OSBPL3: variants seen among roughly 807,000 people sequenced by gnomAD.
OSBPL3 encodes the protein oxysterol binding protein like 3, also known as oxysterol-binding protein-related protein 3.
In OSBPL3, 65 loss-of-function variants were observed where a neutral mutation model predicts 120.1. That is an observed-to-expected ratio of 0.54 (90% CI 0.44 to 0.67). The LOEUF is 0.67. Among genes scored for constraint, OSBPL3 ranks in the 30% least tolerant of loss-of-function variants. OSBPL3 has a pLI of 0.00. For missense variants in OSBPL3, 1,004 were observed against 1,082.1 expected, an observed-to-expected ratio of 0.93 and a Z score of 1.01; for synonymous variants, 416 against 402.6, an observed-to-expected ratio of 1.03 and a Z score of -0.40.
At chr7:24,807,517 T>TAATAATAAC (rs139700441) in intron 20 of OSBPL3, among the ~76,000 whole-genome samples, 23,870 of 150,820 alleles carry the variant, frequency 0.16, 2,459 homozygotes, top group Non-Finnish European at 0.22. Context: ...ATAATAATAA[T>TAATAATAAC]AACAACAATA....
chr7:24,855,824 C>T lies in OSBPL3; in HGVS notation c.1028-3190G>A, dbSNP rs541091932. ...AAAAAATAGAAGATTCAAATGAGTGCATCACATCTATGGTTACCTGACAAT... is the reference window on the plus strand; with the variant it reads ...AAAAAATAGAAGATTCAAATGAGTGTATCACATCTATGGTTACCTGACAAT... On this transcript the variant is annotated intron_variant, in intron 10 of 22. Coordinates refer to ENST00000313367, the MANE Select transcript of OSBPL3 (RefSeq NM_015550.4). The surrounding 1 kb of genome is among the most constrained non-coding windows in gnomAD (Gnocchi z 4.3). Among the ~76,000 whole-genome samples, 2 of 152,190 alleles carry T rather than the reference C, an allele frequency of 1.3e-5. No individual in the cohort carries two copies. Among genetic ancestry groups the T allele is most frequent in the Non-Finnish European group, 2.9e-5 (2 of 68,028 alleles).
rs1796915579 is a variant in OSBPL3 at position 24,835,715 on chromosome 7, A to G, written c.1496-979T>C. Among the ~76,000 whole-genome samples the G allele has an allele frequency of 1.3e-5, 2 of 152,236 alleles. No homozygotes were observed. The highest frequency in any genetic ancestry group is 2.9e-5 in the Non-Finnish European group (2 of 68,046). On this transcript the variant is annotated intron_variant, in intron 14 of 22. Coordinates refer to ENST00000313367, the MANE Select transcript of OSBPL3 (RefSeq NM_015550.4). This position sits in a 1 kb window ranked among gnomAD's most constrained non-coding sequence, Gnocchi z 4.8. Reference sequence around the variant, plus strand: ...AAAGAAAATGTGGTACATATACACCATGGAATACTGTGCAGCCATAAAAAA... The same window carrying G: ...AAAGAAAATGTGGTACATATACACCGTGGAATACTGTGCAGCCATAAAAAA...
At chr7:24,904,192 T>C (rs1366249755) in intron 1 of OSBPL3, among the ~76,000 whole-genome samples, 1 of 152,132 alleles carries the variant, frequency 6.6e-6, no homozygotes. Flanking sequence ...CACTGGATGT[T>C]TTCTTAACAG....
chr7:24,970,097 TC>T, intron 1 of OSBPL3, among the ~76,000 whole-genome samples: 2 of 143,218 alleles, frequency 1.4e-5, no homozygotes, highest in Non-Finnish European at 1.5e-5. Flanking sequence ...TTTCCCTTCG[TC>T]CCTTTCTTTT....
intron 2 of OSBPL3, among the ~76,000 whole-genome samples, chr7:24,882,193 T>C (rs895092571): frequency 2.6e-5 from 4 of 152,158 alleles, no homozygotes; most frequent in Admixed American, 2.6e-4. Context: ...AGTCAGGGCT[T>C]TCAGGGTATC....
chr7:24,853,794 T>C (rs1799474147), intron 10 of OSBPL3, among the ~76,000 whole-genome samples: 1 of 152,122 alleles, frequency 6.6e-6, no homozygotes, highest in African/African-American at 2.4e-5. Context: ...ATGTGGCAAA[T>C]ATTTAAAACG....
rs369973698 is a variant in OSBPL3, at chr7:24,850,403, A to G, written c.1159-1227T>C. On this transcript the variant is annotated intron_variant, in intron 11 of 22. Transcript: ENST00000313367. The stretch of plus-strand genomic sequence containing the variant: ...CACGATCAGCTCCACGGGTGCTCGC[A>G]TGCAGATTCAGCCTATATGTCTGTC... 2.9e-4 allele frequency among the ~76,000 whole-genome samples: 44 copies of G among 152,314 alleles called. 5 individuals carry two copies. Among genetic ancestry groups the G allele is most frequent in the Admixed American group, 1.7e-3 (26 of 15,304 alleles).
rs190197667 is a variant in OSBPL3 at position 24,817,306 on chromosome 7, C to G, written c.1949-618G>C. Among the ~76,000 whole-genome samples the G allele has an allele frequency of 2.2e-3, 336 of 152,232 alleles. 1 individual carries two copies. Among genetic ancestry groups the G allele is most frequent in the African/African-American group, 7.8e-3 (324 of 41,528 alleles). On this transcript the variant is annotated intron_variant, in intron 17 of 22. Transcript: ENST00000313367. The surrounding 1 kb of genome is among the most constrained non-coding windows in gnomAD (Gnocchi z 4.0). ...CAGAGGTGGGTGGATCATTTGAGAT[C>G]AGGAGTTCGAGACCAGCACAGCCAA... is the stretch of plus-strand genomic sequence containing the variant.
rs1449779211 is a variant in OSBPL3, at chr7:24,818,260, A to G, written c.1949-1572T>C. Among the ~76,000 whole-genome samples the G allele has an allele frequency of 2.0e-5, 3 of 152,228 alleles. No homozygotes were observed. The highest frequency in any genetic ancestry group is 2.0e-4 in the Admixed American group (3 of 15,280). ...AACTGCACAGTTTATTAAATTCACA[A>G]TTCTGTGAATAAAAACCATTGAATT... On this transcript the variant is annotated intron_variant, in intron 17 of 22. Coordinates refer to ENST00000313367, the MANE Select transcript of OSBPL3 (RefSeq NM_015550.4). The surrounding 1 kb of genome is among the most constrained non-coding windows in gnomAD (Gnocchi z 4.0).
chr7:24,924,876 G>T (rs2128456201), intron 1 of OSBPL3, among the ~76,000 whole-genome samples: 1 of 152,190 alleles, frequency 6.6e-6, no homozygotes, highest in South Asian at 2.1e-4. Context: ...CGGCTCAGGT[G>T]GTCTGCTTGT....
chr7:24,859,074 C>G (rs4722394), intron 10 of OSBPL3, among the ~76,000 whole-genome samples: 151,643 of 152,334 alleles, frequency 1, 75,483 homozygotes, highest in Middle Eastern at 1. Flanking sequence ...ACAAAACACT[C>G]ATAACAGTCT....
intron 1 of OSBPL3, among the ~76,000 whole-genome samples, chr7:24,917,292 G>A (rs1400356173): frequency 4.6e-5 from 7 of 150,720 alleles, no homozygotes; most frequent in Non-Finnish European, 1.0e-4. Context: ...ACTATATCAA[G>A]GATTATCAGG....
chr7:24,844,547 T>C lies in OSBPL3; in HGVS notation c.1267-2134A>G, dbSNP rs1198173809. 7.2e-5 allele frequency among the ~76,000 whole-genome samples: 11 copies of C among 152,288 alleles called. No homozygotes were observed. The East Asian group carries it at 2.1e-3, about 29-fold the overall frequency. Reference sequence around the variant, plus strand: ...AAAGGAACATTCATAGCTCACACTATAACAACCACTACAAGCATTCTGACA... The same window carrying C: ...AAAGGAACATTCATAGCTCACACTACAACAACCACTACAAGCATTCTGACA... On this transcript the variant is annotated intron_variant, in intron 12 of 22. Coordinates refer to ENST00000313367, the MANE Select transcript of OSBPL3 (RefSeq NM_015550.4).
In OSBPL3 at chr7:24,852,509, A is replaced by T; in HGVS notation, c.1153T>A (p.Ser385Thr). ...AQVIGLKNAL[S>T]SALAQNTDLK... is the part of the protein sequence containing the mutation. ...GAGGCAGACATGTAACTTACGGATGACAGGGCGTTCTTCAGACCAATGACC... is the reference window on the plus strand; with the variant it reads ...GAGGCAGACATGTAACTTACGGATGTCAGGGCGTTCTTCAGACCAATGACC... The change falls in exon 11 of 23, where the codon TCA becomes ACA. Residue 385 changes from serine (S) to threonine (T), a missense_variant. Physicochemically the swap from Ser to Thr is moderately conservative, Grantham distance 58. Transcript: ENST00000313367. This position sits in a 1 kb window ranked among gnomAD's most constrained non-coding sequence, Gnocchi z 4.1. The T allele has an allele frequency of 6.3e-7, 1 of 1,575,812 alleles. No individual in the cohort carries two copies. The highest frequency in any genetic ancestry group is 8.6e-7 in the Non-Finnish European group (1 of 1,167,884).
intron 1 of OSBPL3, chr7:24,917,939 C>A (rs1809917651): frequency 1.4e-5 from 3 of 222,210 alleles, no homozygotes; most frequent in Non-Finnish European, 2.3e-5. Flanking sequence ...GGAATCCATT[C>A]TCTGAGGCAA....
Position 24,821,838 on chromosome 7 carries a change from A to C in OSBPL3, c.1885-1600T>G, listed in dbSNP as rs966125855. 6.6e-6 allele frequency among the ~76,000 whole-genome samples: 1 copy of C among 152,190 alleles called. No homozygotes were observed. The highest frequency in any genetic ancestry group is 2.4e-5 in the African/African-American group (1 of 41,458). ...ACTTCAAGCACTGACTTAGAAACCTAATCCCATAATGTAACTCTCTGATTT... is the reference window on the plus strand; with the variant it reads ...ACTTCAAGCACTGACTTAGAAACCTCATCCCATAATGTAACTCTCTGATTT... On this transcript the variant is annotated intron_variant, in intron 16 of 22. Transcript: ENST00000313367. The surrounding 1 kb of genome is among the most constrained non-coding windows in gnomAD (Gnocchi z 5.5).
At chr7:24,976,311 A>G (rs961690553) in intron 1 of OSBPL3, among the ~76,000 whole-genome samples, 1 of 152,230 alleles carries the variant, frequency 6.6e-6, no homozygotes, top group Non-Finnish European at 1.5e-5. Flanking sequence ...AAGCCACCCA[A>G]GAATTTTTAA....
At chr7:24,893,760 G>A (rs1010203103) in intron 1 of OSBPL3, among the ~76,000 whole-genome samples, 2 of 151,794 alleles carry the variant, frequency 1.3e-5, no homozygotes, top group Non-Finnish European at 2.9e-5. Flanking sequence ...GGGGGGACGG[G>A]GGGGTGGAGG....
Position 24,822,547 on chromosome 7 carries a change from C to G in OSBPL3, c.1885-2309G>C, listed in dbSNP as rs145647176. ...AAAGCTATGAAATGTTCCTCTCCCC[C>G]ATAATGTAAACATATTTTAAAGTGG... is the stretch of plus-strand genomic sequence containing the variant. On this transcript the variant is annotated intron_variant, in intron 16 of 22. Coordinates refer to ENST00000313367, the MANE Select transcript of OSBPL3 (RefSeq NM_015550.4). This position sits in a 1 kb window ranked among gnomAD's most constrained non-coding sequence, Gnocchi z 5.8. 6.6e-6 allele frequency among the ~76,000 whole-genome samples: 1 copy of G among 152,188 alleles called. No homozygotes were observed. Among genetic ancestry groups the G allele is most frequent in the Non-Finnish European group, 1.5e-5 (1 of 68,032 alleles).
Sources: gnomAD v4.1 joint callset for allele counts (sites outside exome capture counted in the v4.1 genomes callset) on GRCh38, gnomAD v4.1.1 for gene constraint, Gnocchi (gnomAD v3.1) non-coding constraint, MANE v1.5 for transcripts, NCBI Gene and HGNC (gene_info 2026-07-23, HGNC 2026-07-21) for gene names.